PNPT1: variants seen among roughly 807,000 people sequenced by gnomAD.
The protein encoded by PNPT1 is polyribonucleotide nucleotidyltransferase 1, also known as polyribonucleotide nucleotidyltransferase 1, mitochondrial.
In PNPT1, 53 loss-of-function variants were observed where a neutral mutation model predicts 119.5. The observed-to-expected ratio is 0.44, with a 90% CI of 0.36 to 0.56. The LOEUF (loss-of-function observed/expected upper bound fraction) is 0.56, where lower values mean the gene tolerates loss of function less well. Among genes scored for constraint, PNPT1 ranks in the 20% least tolerant of loss-of-function variants. The pLI, the probability that PNPT1 is intolerant of heterozygous loss-of-function variation, is 0.00. For missense variants in PNPT1, 948 were observed against 938.5 expected (o/e 1.01, Z -0.13); for synonymous variants, 357 against 322.1 (o/e 1.11, Z -1.16).
intron 19 of PNPT1, among the ~76,000 whole-genome samples, chr2:55,646,743 T>G (rs906824728): frequency 6.6e-6 from 1 of 152,124 alleles, no homozygotes; most frequent in African/African-American, 2.4e-5. Context: ...ATGCTCATCC[T>G]AAAGTGAGTC....
intron 11 of PNPT1, among the ~76,000 whole-genome samples, chr2:55,670,827 T>TA (rs1341803895): frequency 6.6e-6 from 1 of 152,174 alleles, no homozygotes; most frequent in Non-Finnish European, 1.5e-5. Flanking sequence ...ACTAGGTACC[T>TA]ACTCTGCATC....
chr2:55,670,734 C>G (rs938801960), intron 11 of PNPT1, among the ~76,000 whole-genome samples: 2 of 152,128 alleles, frequency 1.3e-5, no homozygotes, highest in Non-Finnish European at 2.9e-5. Context: ...TTTGGGTTTT[C>G]AAATGATAAG....
At chr2:55,681,545 A>T (rs993791707) in intron 5 of PNPT1, among the ~76,000 whole-genome samples, 7 of 150,966 alleles carry the variant, frequency 4.6e-5, no homozygotes, top group African/African-American at 1.7e-4. Context: ...TATTTCTATC[A>T]TATAAAAATA....
chr2:55,661,293 G>C (rs931801551), intron 14 of PNPT1, among the ~76,000 whole-genome samples: 3 of 151,680 alleles, frequency 2.0e-5, no homozygotes, highest in Admixed American at 6.6e-5. Flanking sequence ...GAATTTCACC[G>C]TTTTAGCCAG....
chr2:55,671,408 A>G lies in PNPT1; in HGVS notation c.919-32T>C, dbSNP rs375495200. ...GAAAGTTGAGGTTCAGTTATTACATATACATGACAACATTTAATATTTCTG... is the reference window on the plus strand; with the variant it reads ...GAAAGTTGAGGTTCAGTTATTACATGTACATGACAACATTTAATATTTCTG... On this transcript the variant is annotated intron_variant, in intron 10 of 27. Transcript: ENST00000447944. 4.5e-5 allele frequency: 58 copies of G among 1,280,702 alleles called. No homozygotes were observed. The African/African-American group carries it at 6.4e-4, about 14-fold the overall frequency. The allele number at this position is 1,280,702 out of a possible 1,614,324, so 79.3% of individuals were successfully genotyped here.
intron 7 of PNPT1, among the ~76,000 whole-genome samples, chr2:55,680,486 C>A (rs1697212694): frequency 6.7e-6 from 1 of 148,356 alleles, no homozygotes; most frequent in Admixed American, 6.7e-5. Flanking sequence ...GTCAAAATAT[C>A]TAGGGACATA....
chr2:55,666,676 C>T (rs1572818089), intron 13 of PNPT1, among the ~76,000 whole-genome samples: 1 of 151,724 alleles, frequency 6.6e-6, no homozygotes, highest in East Asian at 1.9e-4. Flanking sequence ...CTTGTCTCTA[C>T]AAAAAAAAGT....
chr2:55,684,762 TAA>T (rs1697348653), intron 4 of PNPT1, among the ~76,000 whole-genome samples, 179 bp downstream of exon 4: 1 of 152,164 alleles, frequency 6.6e-6, no homozygotes, highest in Non-Finnish European at 1.5e-5. Context: ...CCTGAAGAAA[TAA>T]AAGTTTTTTC....
At chr2:55,658,720 C>T (rs1167929144) in intron 15 of PNPT1, among the ~76,000 whole-genome samples, 3 of 152,138 alleles carry the variant, frequency 2.0e-5, no homozygotes, top group Non-Finnish European at 4.4e-5. Flanking sequence ...TAATTCCTTT[C>T]TGGCTTCTGT....
intron 13 of PNPT1, among the ~76,000 whole-genome samples, chr2:55,663,947 C>T (rs1696657552): frequency 6.6e-6 from 1 of 152,132 alleles, no homozygotes; most frequent in South Asian, 2.1e-4. Context: ...CGAGATCACA[C>T]CACTGCACTC....
chr2:55,692,851 C>T (rs1572842530), intron 1 of PNPT1, among the ~76,000 whole-genome samples: 1 of 152,172 alleles, frequency 6.6e-6, no homozygotes, highest in African/African-American at 2.4e-5. Context: ...ATCCTTCCGT[C>T]TTAGCCTCCC....
chr2:55,668,073 T>G (rs1285392163), intron 11 of PNPT1, 115 bp from the exon 12 acceptor site: 3 of 895,444 alleles, frequency 3.4e-6, no homozygotes, highest in Non-Finnish European at 5.1e-6. Flanking sequence ...GGGAGATGAC[T>G]CTGAACGTTT....
intron 5 of PNPT1, among the ~76,000 whole-genome samples, chr2:55,682,053 T>A (rs782616): frequency 2.6e-5 from 4 of 152,110 alleles, no homozygotes; most frequent in African/African-American, 9.7e-5. Context: ...TGAGGCAGGA[T>A]AATGGTGTGA....
At chr2:55,670,092 A>T (rs560012314) in intron 11 of PNPT1, among the ~76,000 whole-genome samples, 1 of 151,024 alleles carries the variant, frequency 6.6e-6, no homozygotes, top group Non-Finnish European at 1.5e-5. Flanking sequence ...TTCATGTGAG[A>T]GTATATTTGT....
In PNPT1 at chr2:55,636,350, G is replaced by C. The variant is rs1171295536; in HGVS notation, c.2239C>G (p.Leu747Val). 2.5e-6 allele frequency: 4 copies of C among 1,613,998 alleles called. No homozygotes were observed. Among genetic ancestry groups the C allele is most frequent in the Non-Finnish European group, 3.4e-6 (4 of 1,180,028 alleles). ...GRDPADGRMRLSRKVLQSPAT... is the reference protein window; with the variant it reads ...GRDPADGRMRVSRKVLQSPAT... ...GGCGACTGAAGCACTTTTCGAGAAA[G>C]CCTCATTCTTCCATCGGCTGGGTCA... The change falls in exon 28 of 28, where the codon CTT (leucine) becomes GTT (valine). Residue 747 changes from leucine to valine, a missense_variant. By Grantham distance (32) the Leu-to-Val change is conservative. Coordinates refer to ENST00000447944, the MANE Select transcript of PNPT1 (RefSeq NM_033109.5).
chr2:55,667,988 A>T, intron 11 of PNPT1, 30 bp from the exon 12 acceptor site: 3 of 1,549,794 alleles, frequency 1.9e-6, no homozygotes, highest in Non-Finnish European at 2.6e-6. Flanking sequence ...CAAAACAAAG[A>T]TTTTTACTTT....
intron 5 of PNPT1, among the ~76,000 whole-genome samples, chr2:55,681,350 T>A (rs1330548954): frequency 6.6e-6 from 1 of 152,008 alleles, no homozygotes; most frequent in African/African-American, 2.4e-5. Context: ...GAGGTTGCAG[T>A]GAGCTGAGAT....
rs1318355250 is a variant in PNPT1, at chr2:55,650,595, C to T, written c.1496-3142G>A. Among the ~76,000 whole-genome samples, 3 of 150,068 alleles carry T rather than the reference C, an allele frequency of 2.0e-5. No individual in the cohort carries two copies. In the Admixed American group the frequency reaches 2.0e-4, roughly 10 times the overall value. ...CTAGGAAGTGAGGAGCGCCTCTTCC[C>T]GGCCGCCATCCCATCTGGGAAGTGA... is the stretch of plus-strand genomic sequence containing the variant. On this transcript the variant is annotated intron_variant, in intron 18 of 27. Transcript: ENST00000447944.
At chr2:55,676,060 A>C (rs181979115) in intron 8 of PNPT1, among the ~76,000 whole-genome samples, 85 of 152,198 alleles carry the variant, frequency 5.6e-4, no homozygotes, top group African/African-American at 2.0e-3. Flanking sequence ...CAGGAGTTTG[A>C]GACCAGCCTG....
Sources: allele counts gnomAD v4.1 joint callset (sites outside exome capture counted in the v4.1 genomes callset), GRCh38; gene constraint gnomAD v4.1.1; transcripts MANE v1.5; gene names NCBI Gene and HGNC (gene_info 2026-07-23, HGNC 2026-07-21).